Variants in ZNF644 observed in about 807,000 individuals in gnomAD.
ZNF644 encodes zinc finger protein 644, also known as zinc finger motif enhancer binding protein 2.
A neutral mutation model predicts 108.0 loss-of-function variants in ZNF644; 20 were observed. The observed-to-expected ratio is 0.19, with a 90% CI of 0.13 to 0.27. ZNF644 has a LOEUF of 0.27. Ranked by LOEUF, ZNF644 falls within the 10% of genes least tolerant of loss-of-function variation. The probability of loss-of-function intolerance (pLI) is 1.00; values close to 1 mark genes in which losing one functional copy is unlikely to be tolerated. For synonymous variants in ZNF644, 542 were observed against 539.1 expected (o/e 1.01, Z -0.08); for missense variants, 1,338 against 1,548.9 (o/e 0.86, Z 2.29).
Position 90,937,729 on chromosome 1 carries a change from A to G in ZNF644, c.3444T>C (p.Asn1148=). 1.2e-6 allele frequency: 2 copies of G among 1,613,856 alleles called. No individual in the cohort carries two copies. Among genetic ancestry groups the G allele is most frequent in the Non-Finnish European group, 1.7e-6 (2 of 1,179,878 alleles). ...TTGTTTCATCATATTCATTTAAGAA[A>G]TTCAGCCCTTCTTCTTCTGATGCAG... is the stretch of plus-strand genomic sequence containing the variant. The part of the protein sequence containing the change: ...SVSASEEEGL[N]FLNEYDETKP... The change falls in exon 4 of 6, where the codon AAT becomes AAC. Residue 1148 remains asparagine, a synonymous_variant. Coordinates refer to ENST00000337393, the MANE Select transcript of ZNF644 (RefSeq NM_201269.3).
chr1:90,969,513 C>A (rs1001535939), intron 2 of ZNF644, among the ~76,000 whole-genome samples: 2 of 152,100 alleles, frequency 1.3e-5, no homozygotes, highest in Non-Finnish European at 2.9e-5. Context: ...CAATTCAAAC[C>A]TTTTAAATTG....
intron 1 of ZNF644, among the ~76,000 whole-genome samples, chr1:90,992,621 G>A (rs1370907071): frequency 1.3e-5 from 2 of 152,138 alleles, no homozygotes; most frequent in Admixed American, 6.6e-5. Flanking sequence ...ACTGAAATAT[G>A]AGTTCAGAAT....
At chr1:90,985,924 A>G (rs554978226) in intron 1 of ZNF644, among the ~76,000 whole-genome samples, 1 of 152,282 alleles carries the variant, frequency 6.6e-6, no homozygotes, top group South Asian at 2.1e-4. Flanking sequence ...AACAAGGTAC[A>G]CAAGGGCTCC....
chr1:90,978,424 A>C (rs1028844493), intron 2 of ZNF644, among the ~76,000 whole-genome samples: 1 of 152,142 alleles, frequency 6.6e-6, no homozygotes, highest in Admixed American at 6.6e-5. Flanking sequence ...GGGTCAATGT[A>C]CGTTGTACAA....
intron 1 of ZNF644, among the ~76,000 whole-genome samples, chr1:91,009,017 T>C (rs1659698552): frequency 6.6e-6 from 1 of 152,140 alleles, no homozygotes. Context: ...AAGGACTGCT[T>C]GAGCCCAAGA....
intron 1 of ZNF644, among the ~76,000 whole-genome samples, chr1:91,007,838 C>T (rs1047969402): frequency 1.5e-4 from 23 of 152,158 alleles, no homozygotes; most frequent in African/African-American, 5.1e-4. Context: ...CCATTTCCCT[C>T]TTCTCTTTCA....
At position 90,939,448 on chromosome 1, in the gene ZNF644, C is replaced by T. The variant is rs746438613; in HGVS notation, c.1906G>A (p.Asp636Asn). ...GTTAATGTTTTAGTGCTATCACTAT[C>T]TACAGGTTCTTCAAGGATGTCATTT... is the stretch of plus-strand genomic sequence containing the variant. ...RKNDILEEPV[D>N]SDSTKTLTKQ... Residue 636 changes from aspartate to asparagine, a missense_variant, in exon 3 of 6, where the codon GAT becomes AAT. Physicochemically the swap from Asp to Asn is conservative, Grantham distance 23. This residue lies in a region of ZNF644 where 462 missense variants were observed against 472.6 expected (regional missense o/e 0.98). Coordinates refer to ENST00000337393, the MANE Select transcript of ZNF644 (RefSeq NM_201269.3). 8 of 1,613,720 alleles carry T rather than the reference C, an allele frequency of 5.0e-6. No individual in the cohort carries two copies. Among genetic ancestry groups the T allele is most frequent in the Non-Finnish European group, 6.8e-6 (8 of 1,179,896 alleles).
At chr1:90,990,135 G>A (rs1157222860) in intron 1 of ZNF644, among the ~76,000 whole-genome samples, 1 of 152,166 alleles carries the variant, frequency 6.6e-6, no homozygotes, top group Admixed American at 6.5e-5. Context: ...AGAAAGTGGA[G>A]TGGTTGTCAA....
rs144159926 is a variant in ZNF644, at chr1:90,985,015, C to T, written c.-17-2645G>A. On this transcript the variant is annotated intron_variant, in intron 1 of 5. Transcript: ENST00000337393. ...ATTTTACCACAATAAAAAATAAAGGCATATACAAACACCACACACATACAA... is the reference window on the plus strand; with the variant it reads ...ATTTTACCACAATAAAAAATAAAGGTATATACAAACACCACACACATACAA... 6.9e-3 allele frequency among the ~76,000 whole-genome samples: 1,056 copies of T among 152,222 alleles called. 16 individuals carry two copies. Among genetic ancestry groups the T allele is most frequent in the African/African-American group, 0.024 (990 of 41,524 alleles).
At chr1:90,934,747 A>C (rs1651133873) in intron 4 of ZNF644, among the ~76,000 whole-genome samples, 2 of 152,232 alleles carry the variant, frequency 1.3e-5, no homozygotes, top group African/African-American at 4.8e-5. Context: ...AGAAAAATCT[A>C]TTCGCTTGTC....
At chr1:90,932,012 C>T (rs939928959) in intron 4 of ZNF644, among the ~76,000 whole-genome samples, 19 of 152,088 alleles carry the variant, frequency 1.2e-4, no homozygotes, top group African/African-American at 4.3e-4. Context: ...GGGCCCACAG[C>T]TTTCATGAAA....
At chr1:90,971,287 T>G (rs1190637920) in intron 2 of ZNF644, among the ~76,000 whole-genome samples, 1 of 148,302 alleles carries the variant, frequency 6.7e-6, no homozygotes, top group Non-Finnish European at 1.5e-5. Flanking sequence ...CAAAAACCCA[T>G]GACCATCACA....
At chr1:90,984,441 T>A (rs1464795377) in intron 1 of ZNF644, among the ~76,000 whole-genome samples, 2 of 151,872 alleles carry the variant, frequency 1.3e-5, no homozygotes, top group Admixed American at 6.6e-5. Flanking sequence ...GTGTCTTTTT[T>A]TTTTTTGGAG....
At chr1:90,931,393 AT>A (rs1650713598) in intron 4 of ZNF644, among the ~76,000 whole-genome samples, 1 of 150,514 alleles carries the variant, frequency 6.6e-6, no homozygotes, top group Non-Finnish European at 1.5e-5. Flanking sequence ...AACCCCTACC[AT>A]TACTGCATTC....
intron 1 of ZNF644, among the ~76,000 whole-genome samples, chr1:91,011,555 C>T (rs2100639062): frequency 6.6e-6 from 1 of 152,142 alleles, no homozygotes; most frequent in South Asian, 2.1e-4. Flanking sequence ...AAAAATAATG[C>T]TACAACTATT....
At chr1:90,985,222 T>G (rs1656977686) in intron 1 of ZNF644, among the ~76,000 whole-genome samples, 1 of 152,202 alleles carries the variant, frequency 6.6e-6, no homozygotes, top group African/African-American at 2.4e-5. Flanking sequence ...ATTTATGGGG[T>G]ACAATGTGAT....
Position 91,007,225 on chromosome 1 carries a change from G to GTT in ZNF644, c.-18+14763_-18+14764dup, listed in dbSNP as rs35761791. Among the ~76,000 whole-genome samples the GTT allele has an allele frequency of 7.1e-4, 40 of 55,994 alleles. 5 individuals are homozygous for GTT. Among genetic ancestry groups the GTT allele is most frequent in the East Asian group, 4.6e-3 (8 of 1,724 alleles). The allele number at this position is 55,994 out of a possible 152,430, so 36.7% of individuals were successfully genotyped here. ...AATTTCTTCCATTTTCTCCCATTTT[G>GTT]TTTTTTTTTTTTTTTTTTTTTTTTT... On this transcript the variant is annotated intron_variant, in intron 1 of 5. Coordinates refer to ENST00000337393, the MANE Select transcript of ZNF644 (RefSeq NM_201269.3).
chr1:90,956,994 A>G (rs1374501609), intron 2 of ZNF644, among the ~76,000 whole-genome samples: 1 of 152,272 alleles, frequency 6.6e-6, no homozygotes, highest in East Asian at 1.9e-4. Context: ...TTAAAAATTA[A>G]AAGAATTATA....
intron 4 of ZNF644, among the ~76,000 whole-genome samples, chr1:90,927,122 A>G (rs930350429): frequency 2.0e-5 from 3 of 150,806 alleles, no homozygotes; most frequent in Admixed American, 1.3e-4. Context: ...ATCAGGGTCC[A>G]TTCAAATGCT....
Sources: gnomAD v4.1 joint callset for allele counts (sites outside exome capture counted in the v4.1 genomes callset) on GRCh38, gnomAD v4.1.1 for gene constraint, gnomAD v4.1.1 regional missense constraint, MANE v1.5 for transcripts, NCBI Gene and HGNC (gene_info 2026-07-23, HGNC 2026-07-21) for gene names.